FGFR2: variants seen among roughly 807,000 people sequenced by gnomAD.
The protein encoded by FGFR2 is fibroblast growth factor receptor 2.
A neutral mutation model predicts 95.9 loss-of-function variants in FGFR2; 19 were observed. The observed-to-expected ratio is 0.20, with a 90% CI of 0.14 to 0.29. The LOEUF (loss-of-function observed/expected upper bound fraction) is 0.29. Ranked by LOEUF, FGFR2 falls within the 10% of genes least tolerant of loss-of-function variation. FGFR2 has a pLI of 1.00. For missense variants in FGFR2, 707 were observed against 1,056.9 expected, an observed-to-expected ratio of 0.67 and a Z score of 4.59; for synonymous variants, 392 against 393.3, an observed-to-expected ratio of 1.00 and a Z score of 0.04.
intron 6 of FGFR2, among the ~76,000 whole-genome samples, chr10:121,532,001 C>G (rs546148148): frequency 2.2e-4 from 34 of 152,338 alleles, no homozygotes; most frequent in African/African-American, 7.9e-4. Context: ...CACCCCAATC[C>G]CTTCTCAACA....
chr10:121,571,662 G>C (rs1858759771), intron 2 of FGFR2, among the ~76,000 whole-genome samples: 1 of 151,930 alleles, frequency 6.6e-6, no homozygotes, highest in African/African-American at 2.4e-5. Flanking sequence ...AAAAACGACT[G>C]GCCGGGCGCG....
intron 6 of FGFR2, among the ~76,000 whole-genome samples, chr10:121,534,772 CAAAAG>C (rs1043804142): frequency 2.3e-4 from 35 of 152,226 alleles, no homozygotes; most frequent in African/African-American, 8.2e-4. Flanking sequence ...TTCTAACCCT[CAAAAG>C]AATCCTGGTT....
At position 121,515,289 on chromosome 10, in the gene FGFR2, G is replaced by T. The variant is rs121913477; in HGVS notation, c.1115C>A (p.Ser372Tyr). The T allele has an allele frequency of 6.2e-7, 1 of 1,613,990 alleles. No homozygotes were observed. The highest frequency in any genetic ancestry group is 8.5e-7 in the Non-Finnish European group (1 of 1,180,028). Reference sequence around the variant, plus strand: ...AATGGCTATCTCCAGGTAGTCTGGGGAAGCTGTAATCTCCTTTTCTCTTCC... The same window carrying T: ...AATGGCTATCTCCAGGTAGTCTGGGTAAGCTGTAATCTCCTTTTCTCTTCC... ...APGREKEITA[S>Y]PDYLEIAIYC... The change falls in exon 9 of 18, where the codon TCC becomes TAC. Residue 372 changes from serine (S) to tyrosine (Y), a missense_variant. Around this residue, in one of 7 missense-constraint regions of FGFR2, gnomAD observed 194 missense variants for 267.3 expected, o/e 0.73. Coordinates refer to ENST00000358487, the MANE Select transcript of FGFR2 (RefSeq NM_000141.5).
Position 121,564,546 on chromosome 10 carries a change from G to A in FGFR2, c.410C>T (p.Thr137Ile), listed in dbSNP as rs1267514450. ...ACTGACAAAATCTTCCGCACCATCG[G>A]TGTCATCCTCATCATCTCCGGATGA... ...AISSGDDEDD[T>I]DGAEDFVSEN... Residue 137 changes from threonine to isoleucine, a missense_variant, in exon 4 of 18, where the codon ACC becomes ATC. Thr to Ile is a moderately conservative substitution (Grantham distance 89). This residue lies in a region of FGFR2 where 178 missense variants were observed against 194.1 expected (regional missense o/e 0.92). Coordinates refer to ENST00000358487, the MANE Select transcript of FGFR2 (RefSeq NM_000141.5). 2 of 1,613,870 alleles carry A rather than the reference G, an allele frequency of 1.2e-6. No homozygotes were observed. Among genetic ancestry groups the A allele is most frequent in the Non-Finnish European group, 1.7e-6 (2 of 1,179,998 alleles).
chr10:121,580,468 AG>A (rs1191840027), intron 2 of FGFR2, among the ~76,000 whole-genome samples: 2 of 304 alleles, frequency 6.6e-3, no homozygotes, highest in Admixed American at 0.17. Flanking sequence ...AGGCCTGGCC[AG>A]CATCTCGAAA....
At position 121,496,551 on chromosome 10, in the gene FGFR2, T is replaced by G; in HGVS notation, c.1844A>C (p.Glu615Ala). 1 of 1,614,152 alleles carries G rather than the reference T, an allele frequency of 6.2e-7. No homozygotes were observed. The highest frequency in any genetic ancestry group is 8.5e-7 in the Non-Finnish European group (1 of 1,180,020). The part of the protein sequence containing the change: ...SCTYQLARGM[E>A]YLASQKCIHR... The stretch of plus-strand genomic sequence containing the variant: ...ACTCACTTTTTGGGAAGCCAAGTAC[T>G]CCATGCCTCTGGCCAGCTGGTAGGT... The change falls in exon 13 of 18, where the codon GAG becomes GCG. Residue 615 changes from glutamate (E) to alanine (A), a missense_variant. Coordinates refer to ENST00000358487, the MANE Select transcript of FGFR2 (RefSeq NM_000141.5).
intron 5 of FGFR2, among the ~76,000 whole-genome samples, chr10:121,549,789 T>C (rs1855097859): frequency 6.6e-6 from 1 of 152,090 alleles, no homozygotes. Flanking sequence ...CATGAGCAGT[T>C]CCTTCCCCAA....
At position 121,496,568 on chromosome 10, in the gene FGFR2, C is replaced by T. The variant is rs2133934644; in HGVS notation, c.1827G>A (p.Gln609=). 1 of 1,614,074 alleles carries T rather than the reference C, an allele frequency of 6.2e-7. No homozygotes were observed. Among genetic ancestry groups the T allele is most frequent in the Non-Finnish European group, 8.5e-7 (1 of 1,180,038 alleles). Residue 609 remains glutamine (Q), a synonymous_variant, in exon 13 of 18, where the codon CAG becomes CAA. Transcript: ENST00000358487. ...CCAAGTACTCCATGCCTCTGGCCAG[C>T]TGGTAGGTGCATGACACCAAGTCCT... ...TFKDLVSCTY[Q]LARGMEYLAS...
chr10:121,525,246 C>T (rs1589857255), intron 6 of FGFR2, among the ~76,000 whole-genome samples: 2 of 152,128 alleles, frequency 1.3e-5, no homozygotes, highest in East Asian at 1.9e-4. Context: ...AGATGAGAAC[C>T]TTCAAAAGAG....
chr10:121,591,894 C>T (rs77007670), intron 2 of FGFR2, among the ~76,000 whole-genome samples: 2,913 of 152,252 alleles, frequency 0.019, 97 homozygotes, highest in African/African-American at 0.067. Context: ...AAGACTCACT[C>T]GGGGAACTTC....
intron 4 of FGFR2, among the ~76,000 whole-genome samples, chr10:121,553,289 T>G (rs1855661325): frequency 1.3e-5 from 2 of 152,164 alleles, no homozygotes; most frequent in Admixed American, 1.3e-4. Flanking sequence ...GGGGCTGAAT[T>G]CCTTCCTTTG....
At chr10:121,525,276 T>C (rs530593976) in intron 6 of FGFR2, among the ~76,000 whole-genome samples, 1 of 152,272 alleles carries the variant, frequency 6.6e-6, no homozygotes, top group South Asian at 2.1e-4. Flanking sequence ...GGTGGCTGTG[T>C]GAATTCCAAA....
chr10:121,589,050 C>T (rs1862242457), intron 2 of FGFR2, among the ~76,000 whole-genome samples: 1 of 152,154 alleles, frequency 6.6e-6, no homozygotes, highest in South Asian at 2.1e-4. Flanking sequence ...AAAAAACTTC[C>T]AAAAAATAAT....
At chr10:121,547,798 C>T (rs1278646328) in intron 5 of FGFR2, among the ~76,000 whole-genome samples, 1 of 152,188 alleles carries the variant, frequency 6.6e-6, no homozygotes. Context: ...CAGGCCCCAA[C>T]AAGGACTCTC....
At chr10:121,555,913 CT>C (rs1239020355) in intron 4 of FGFR2, among the ~76,000 whole-genome samples, 2 of 152,204 alleles carry the variant, frequency 1.3e-5, no homozygotes. Flanking sequence ...CCAACACAGC[CT>C]TTATTATTCC....
At position 121,478,735 on chromosome 10, in the gene FGFR2, G is replaced by A. The variant is rs1401564639; in HGVS notation, c.*1122C>T. ...TAACAGGCGTCTCCAACGCCAAAGA[G>A]TCTGGAAGCCATTATCAAAATTCAC... On this transcript the variant is annotated 3_prime_UTR_variant, in exon 18 of 18. Coordinates refer to ENST00000358487, the MANE Select transcript of FGFR2 (RefSeq NM_000141.5). The A allele has an allele frequency of 4.3e-6, 1 of 233,506 alleles. No individual in the cohort carries two copies. Among genetic ancestry groups the A allele is most frequent in the African/African-American group, 2.2e-5 (1 of 45,352 alleles). The allele number at this position is 233,506 out of a possible 1,614,324, so 14.5% of individuals were successfully genotyped here. A position where few individuals can be genotyped will look rare whatever the true frequency, so the allele number is the denominator to read the frequency against.
intron 2 of FGFR2, among the ~76,000 whole-genome samples, chr10:121,573,629 G>C (rs1859212442): frequency 6.6e-6 from 1 of 151,760 alleles, no homozygotes; most frequent in Non-Finnish European, 1.5e-5. Flanking sequence ...GAGGAAAGAA[G>C]AGGAAGGCAA....
In FGFR2 at chr10:121,479,254, G is replaced by A. The variant is rs557758000; in HGVS notation, c.*603C>T. Reference sequence around the variant, plus strand: ...ATTACCAATTTATTAATAAATTAACGTTATACCATTTTCCCTGAAAGCAAA... The same window carrying A: ...ATTACCAATTTATTAATAAATTAACATTATACCATTTTCCCTGAAAGCAAA... On this transcript the variant is annotated 3_prime_UTR_variant, in exon 18 of 18. Transcript: ENST00000358487. 1.7e-5 allele frequency: 4 copies of A among 236,792 alleles called. No homozygotes were observed. The highest frequency in any genetic ancestry group is 1.2e-4 in the East Asian group (2 of 16,500). 14.7% of individuals were successfully genotyped at this position (236,792 alleles called of 1,614,324 possible).
intron 2 of FGFR2, among the ~76,000 whole-genome samples, chr10:121,590,527 G>A (rs76632658): frequency 0.017 from 2,609 of 152,126 alleles, 70 homozygotes; most frequent in African/African-American, 0.059. Context: ...TGACCAACTG[G>A]AAAACTCATA....
Sources: allele counts gnomAD v4.1 joint callset (sites outside exome capture counted in the v4.1 genomes callset), GRCh38; gene constraint gnomAD v4.1.1; regional missense constraint gnomAD v4.1.1; transcripts MANE v1.5; gene names NCBI Gene and HGNC (gene_info 2026-07-23, HGNC 2026-07-21).